The following DISP1 variants were observed in gnomAD, a reference collection of about 807,000 sequenced individuals.
The protein encoded by DISP1 is dispatched RND transporter family member 1, also known as protein dispatched homolog 1.
A neutral mutation model predicts 37.3 loss-of-function variants in DISP1; 30 were observed. The observed-to-expected ratio is 0.80, with a 90% CI of 0.60 to 1.09. The LOEUF (loss-of-function observed/expected upper bound fraction) is 1.09, where lower values mean the gene tolerates loss of function less well. DISP1 is among the 50% of genes least tolerant of loss of function. DISP1 has a pLI of 0.00. For missense variants in DISP1, 1,598 were observed against 1,879.5 expected (o/e 0.85, Z 2.77); for synonymous variants, 634 against 690.2 (o/e 0.92, Z 1.28).
At chr1:222,919,054 G>A (rs533198774) in intron 1 of DISP1, among the ~76,000 whole-genome samples, 10 of 152,320 alleles carry the variant, frequency 6.6e-5, no homozygotes, top group South Asian at 2.1e-4. Context: ...CCCAACCACC[G>A]GCTTGGTTCC....
At chr1:222,843,386 T>C (rs1667718394) in intron 1 of DISP1, among the ~76,000 whole-genome samples, 1 of 152,106 alleles carries the variant, frequency 6.6e-6, no homozygotes, top group South Asian at 2.1e-4. Flanking sequence ...TTAGCTTTTA[T>C]TACATGTATC....
intron 1 of DISP1, among the ~76,000 whole-genome samples, chr1:222,897,658 A>C (rs1303070536): frequency 2.0e-5 from 3 of 152,156 alleles, no homozygotes; most frequent in African/African-American, 4.8e-5. Flanking sequence ...CCTGTCATTA[A>C]TCATTTTATT....
intron 1 of DISP1, among the ~76,000 whole-genome samples, chr1:222,856,231 C>T (rs568409915): frequency 1.1e-4 from 16 of 152,348 alleles, no homozygotes; most frequent in Admixed American, 7.8e-4. Context: ...TTTCAAAATT[C>T]TCAGCAAATA....
intron 3 of DISP1, among the ~76,000 whole-genome samples, chr1:222,975,907 T>A (rs1014696227): frequency 6.6e-6 from 1 of 152,074 alleles, no homozygotes; most frequent in Non-Finnish European, 1.5e-5. Context: ...CTTTCTTGAG[T>A]GGGAGAGAAA....
chr1:223,002,257 G>A (rs927646686), intron 8 of DISP1, 128 bp from the exon 9 acceptor site: 7 of 917,096 alleles, frequency 7.6e-6, no homozygotes, highest in Middle Eastern at 3.2e-4. Context: ...CCTAGTTTAA[G>A]TGGATAATTA....
intron 1 of DISP1, among the ~76,000 whole-genome samples, chr1:222,901,359 G>T (rs1671569748): frequency 6.6e-6 from 1 of 152,104 alleles, no homozygotes; most frequent in Non-Finnish European, 1.5e-5. Context: ...GAATGAAAAT[G>T]AATATTGAAA....
intron 3 of DISP1, among the ~76,000 whole-genome samples, chr1:222,964,041 A>G (rs1201200747): frequency 6.6e-6 from 1 of 152,090 alleles, no homozygotes; most frequent in Admixed American, 6.6e-5. Flanking sequence ...AAAGCCAGGC[A>G]TATAATCCCA....
intron 1 of DISP1, among the ~76,000 whole-genome samples, chr1:222,822,445 A>G (rs940479237): frequency 6.6e-6 from 1 of 152,212 alleles, no homozygotes; most frequent in South Asian, 2.1e-4. Flanking sequence ...TTCTACATTT[A>G]TAAGCAGAAA....
chr1:222,913,315 AC>A (rs1204748257), intron 1 of DISP1, among the ~76,000 whole-genome samples: 4 of 152,164 alleles, frequency 2.6e-5, no homozygotes, highest in African/African-American at 7.2e-5. Flanking sequence ...TATAGATGAG[AC>A]CATTCACTTT....
chr1:222,873,418 TGTAG>T (rs1313786298), intron 1 of DISP1, among the ~76,000 whole-genome samples: 1 of 151,804 alleles, frequency 6.6e-6, no homozygotes. Context: ...TAAGTCTCTT[TGTAG>T]GTCTCTAAGG....
At chr1:222,887,626 GTAGCT>G (rs1670692016) in intron 1 of DISP1, among the ~76,000 whole-genome samples, 1 of 137,422 alleles carries the variant, frequency 7.3e-6, no homozygotes, top group South Asian at 2.4e-4. Flanking sequence ...AGCCTCCCGA[GTAGCT>G]GGGACTACAG....
intron 3 of DISP1, 118 bp from the exon 4 acceptor site, chr1:222,982,962 A>G: frequency 3.8e-6 from 3 of 788,544 alleles, no homozygotes; most frequent in Admixed American, 2.5e-5. Context: ...CACTTCCAAG[A>G]TTCTTTGTAA....
intron 1 of DISP1, among the ~76,000 whole-genome samples, chr1:222,881,423 C>A (rs962138495): frequency 6.6e-6 from 1 of 152,106 alleles, no homozygotes; most frequent in Non-Finnish European, 1.5e-5. Flanking sequence ...TGAAAACCCC[C>A]GTCTTCAGGT....
intron 2 of DISP1, among the ~76,000 whole-genome samples, chr1:222,936,894 T>TCA (rs1558340385): frequency 1.5e-4 from 12 of 78,706 alleles, no homozygotes; most frequent in African/African-American, 6.1e-4. Context: ...ATATAATATA[T>TCA]TATTTATATA....
chr1:222,824,392 A>G (rs1002312313), intron 1 of DISP1, among the ~76,000 whole-genome samples: 1 of 152,108 alleles, frequency 6.6e-6, no homozygotes, highest in African/African-American at 2.4e-5. Context: ...AGCTTGTGCT[A>G]CCTGTAAATG....
chr1:222,963,770 T>G, intron 3 of DISP1, among the ~76,000 whole-genome samples: 1 of 149,812 alleles, frequency 6.7e-6, no homozygotes, highest in Admixed American at 6.6e-5. Context: ...GTTGGGGGGT[T>G]GGGGGTGAGA....
intron 8 of DISP1, among the ~76,000 whole-genome samples, chr1:222,999,688 G>A (rs2789910): frequency 1.3e-5 from 2 of 152,056 alleles, no homozygotes; most frequent in Non-Finnish European, 2.9e-5. Context: ...CAGTAAATTT[G>A]CTTTTGAATG....
intron 1 of DISP1, among the ~76,000 whole-genome samples, chr1:222,894,915 A>G (rs1428771509): frequency 1.3e-5 from 2 of 152,230 alleles, no homozygotes; most frequent in African/African-American, 4.8e-5. Flanking sequence ...ATTCTTGTAG[A>G]TTCCAATTTA....
chr1:222,841,802 A>C (rs1223978842), intron 1 of DISP1, among the ~76,000 whole-genome samples: 1 of 152,172 alleles, frequency 6.6e-6, no homozygotes, highest in Non-Finnish European at 1.5e-5. Context: ...AAAATTTGGC[A>C]TTATTTCAAA....
Sources: allele counts gnomAD v4.1 joint callset (sites outside exome capture counted in the v4.1 genomes callset), GRCh38; gene constraint gnomAD v4.1.1; transcripts MANE v1.5; gene names NCBI Gene and HGNC (gene_info 2026-07-23, HGNC 2026-07-21).